The following PLCL1 variants were observed in gnomAD, a reference collection of about 807,000 sequenced individuals.
PLCL1 encodes the protein inactive phospholipase C-like protein 1.
A neutral mutation model predicts 84.4 loss-of-function variants in PLCL1; 41 were observed. The ratio of observed to expected loss-of-function variants is 0.49; its 90% CI spans 0.38 to 0.63. The LOEUF is 0.63. PLCL1 is among the 30% of genes least tolerant of loss of function. PLCL1 has a pLI of 0.00. For synonymous variants in PLCL1, 490 were observed against 488.3 expected (o/e 1.00, Z -0.05); for missense variants, 1,206 against 1,367.8 (o/e 0.88, Z 1.87).
intron 5 of PLCL1, among the ~76,000 whole-genome samples, chr2:198,108,310 A>T (rs1161579281): frequency 2.0e-5 from 3 of 151,896 alleles, no homozygotes; most frequent in Non-Finnish European, 4.4e-5. Context: ...AAGTTTCCTT[A>T]TACATGATTT....
chr2:198,131,184 C>T (rs780248246), intron 5 of PLCL1, among the ~76,000 whole-genome samples: 2 of 152,122 alleles, frequency 1.3e-5, no homozygotes, highest in Non-Finnish European at 2.9e-5. Context: ...CCTGCTTGTA[C>T]CCCTGCTCCC....
intron 1 of PLCL1, among the ~76,000 whole-genome samples, chr2:197,917,536 G>T (rs1688619910): frequency 6.6e-6 from 1 of 152,142 alleles, no homozygotes; most frequent in Non-Finnish European, 1.5e-5. Flanking sequence ...GTATGATATT[G>T]TAATTATGGA....
chr2:197,817,901 G>A (rs1253648940), intron 1 of PLCL1, among the ~76,000 whole-genome samples: 3 of 151,958 alleles, frequency 2.0e-5, no homozygotes, highest in East Asian at 3.9e-4. Flanking sequence ...TAATTTTGAT[G>A]GTCTTTGGTT....
At position 197,998,175 on chromosome 2, in the gene PLCL1, A is replaced by G. The variant is rs62277900; in HGVS notation, c.241-85583A>G. Among the ~76,000 whole-genome samples the G allele has an allele frequency of 1.8e-3, 240 of 131,968 alleles. 2 individuals are homozygous for G. The highest frequency in any genetic ancestry group is 1.4e-3 in the Non-Finnish European group (88 of 60,902). The allele number at this position is 131,968 out of a possible 152,430, so 86.6% of individuals were successfully genotyped here. ...GAGTTTCCTTGAGAAGAATGGAGCT[A>G]TGTGTGTGTGTGTGTGTGTGTGTGT... On this transcript the variant is annotated intron_variant, in intron 1 of 5. Coordinates refer to ENST00000428675, the MANE Select transcript of PLCL1 (RefSeq NM_006226.4).
chr2:197,883,590 G>T (rs1288556967), intron 1 of PLCL1, among the ~76,000 whole-genome samples: 1 of 152,148 alleles, frequency 6.6e-6, no homozygotes, highest in African/African-American at 2.4e-5. Context: ...CTTGCCAAAG[G>T]AGTATGACAA....
chr2:198,132,455 T>G (rs1201024690), intron 5 of PLCL1, among the ~76,000 whole-genome samples: 2 of 152,088 alleles, frequency 1.3e-5, no homozygotes. Flanking sequence ...ATGTGTTTTT[T>G]TGGGGGGGGG....
intron 1 of PLCL1, among the ~76,000 whole-genome samples, chr2:197,874,006 T>C (rs981957501): frequency 6.6e-6 from 1 of 152,218 alleles, no homozygotes; most frequent in Admixed American, 6.5e-5. Flanking sequence ...TAACGCAATA[T>C]TATCAATAGT....
At chr2:198,033,571 C>G (rs1018796936) in intron 1 of PLCL1, among the ~76,000 whole-genome samples, 2 of 152,192 alleles carry the variant, frequency 1.3e-5, no homozygotes, top group East Asian at 3.9e-4. Flanking sequence ...TCCTCACATG[C>G]CTACTATCCA....
chr2:197,806,129 A>G (rs1310193185), intron 1 of PLCL1, among the ~76,000 whole-genome samples: 1 of 152,130 alleles, frequency 6.6e-6, no homozygotes, highest in South Asian at 2.1e-4. Context: ...CTTTGGGGTA[A>G]GGTTATTTAG....
intron 1 of PLCL1, among the ~76,000 whole-genome samples, chr2:197,967,206 A>AT (rs1316836237): frequency 6.7e-5 from 10 of 149,138 alleles, no homozygotes; most frequent in Non-Finnish European, 1.0e-4. Flanking sequence ...TTATTTATTT[A>AT]TTTTTTTTGG....
At chr2:198,093,567 G>A (rs935768358) in intron 3 of PLCL1, among the ~76,000 whole-genome samples, 1 of 152,150 alleles carries the variant, frequency 6.6e-6, no homozygotes, top group Non-Finnish European at 1.5e-5. Context: ...TGGTGTGGTT[G>A]GTGTGGGGAG....
chr2:198,077,801 T>G (rs1158365186), intron 1 of PLCL1, among the ~76,000 whole-genome samples: 2 of 152,146 alleles, frequency 1.3e-5, no homozygotes, highest in Non-Finnish European at 2.9e-5. Flanking sequence ...CACTTCAACT[T>G]CACTTCCCCT....
At chr2:197,903,245 G>C (rs1376355494) in intron 1 of PLCL1, among the ~76,000 whole-genome samples, 1 of 152,104 alleles carries the variant, frequency 6.6e-6, no homozygotes, top group African/African-American at 2.4e-5. Context: ...ACTAGCTACT[G>C]TTGTAAAAGC....
chr2:198,064,053 T>G (rs908679264), intron 1 of PLCL1, among the ~76,000 whole-genome samples: 2 of 152,230 alleles, frequency 1.3e-5, no homozygotes, highest in Admixed American at 6.5e-5. Context: ...AAACTTTTAT[T>G]CAACAAGTAT....
At chr2:197,863,749 ATC>A (rs1465822728) in intron 1 of PLCL1, among the ~76,000 whole-genome samples, 1 of 152,184 alleles carries the variant, frequency 6.6e-6, no homozygotes, top group Non-Finnish European at 1.5e-5. Context: ...ACCAGGCAGA[ATC>A]TAGACAAACC....
intron 1 of PLCL1, among the ~76,000 whole-genome samples, chr2:197,897,165 C>G (rs1355641337): frequency 6.4e-5 from 2 of 31,394 alleles, no homozygotes; most frequent in African/African-American, 2.3e-4. Context: ...TCTTCTTCTT[C>G]TTCTTCTTCT....
chr2:198,045,667 AGTAATGAATTT>A (rs1186992403), intron 1 of PLCL1, among the ~76,000 whole-genome samples: 2 of 152,212 alleles, frequency 1.3e-5, no homozygotes, highest in African/African-American at 4.8e-5. Flanking sequence ...TGCATTCTAG[AGTAATGAATTT>A]CAACTGCCGG....
intron 1 of PLCL1, among the ~76,000 whole-genome samples, chr2:198,047,711 A>G (rs1691839156): frequency 6.6e-6 from 1 of 152,244 alleles, no homozygotes; most frequent in Non-Finnish European, 1.5e-5. Context: ...AAGCAATTAT[A>G]AATTGGTGTG....
chr2:198,122,063 AT>A (rs1693881069), intron 5 of PLCL1, among the ~76,000 whole-genome samples: 1 of 152,078 alleles, frequency 6.6e-6, no homozygotes, highest in Non-Finnish European at 1.5e-5. Context: ...ATTATATACA[AT>A]TTTTAGTGGC....
Sources: allele counts gnomAD v4.1 joint callset (sites outside exome capture counted in the v4.1 genomes callset), GRCh38; gene constraint gnomAD v4.1.1; transcripts MANE v1.5; gene names NCBI Gene and HGNC (gene_info 2026-07-23, HGNC 2026-07-21).